The following CYSLTR1 variants were observed in gnomAD, a reference collection of about 807,000 sequenced individuals.
CYSLTR1 encodes cysteinyl leukotriene receptor 1.
Under a neutral mutation model 2.1 loss-of-function variants are expected in CYSLTR1, and 1 was observed. The observed-to-expected ratio is 0.48, with a 90% CI of 0.17 to 2.28. CYSLTR1 has a LOEUF of 2.28. Among genes scored for constraint, CYSLTR1 ranks in the 30% most tolerant of loss-of-function variants. CYSLTR1 has a pLI of 0.26. For missense variants in CYSLTR1, 299 were observed against 250.1 expected, an observed-to-expected ratio of 1.20 and a Z score of -1.32; for synonymous variants, 110 against 89.6, an observed-to-expected ratio of 1.23 and a Z score of -1.28.
At chrX:78,291,030 C>T (rs1233105726) in intron 1 of CYSLTR1, among the ~76,000 whole-genome samples, 1 of 111,776 alleles carries the variant, frequency 8.9e-6, no homozygotes, top group Non-Finnish European at 1.9e-5. Flanking sequence ...TCCTTGTCTT[C>T]AGCCAGTTTT....
intron 1 of CYSLTR1, among the ~76,000 whole-genome samples, chrX:78,309,419 A>G (rs1029537132): frequency 2.7e-5 from 3 of 111,897 alleles, no homozygotes; most frequent in African/African-American, 9.7e-5. Flanking sequence ...CAATTCTTTG[A>G]AAAATTCTTC....
At chrX:78,284,916 C>G (rs1369686647) in intron 1 of CYSLTR1, among the ~76,000 whole-genome samples, 1 of 111,465 alleles carries the variant, frequency 9.0e-6, no homozygotes, top group Non-Finnish European at 1.9e-5. Context: ...TCTCCACTTT[C>G]TTCTCCCTCT....
At chrX:78,319,314 T>C (rs1196081271) in intron 1 of CYSLTR1, 3 of 88,534 alleles carry the variant, frequency 3.4e-5, no homozygotes, top group African/African-American at 1.3e-4. Context: ...CCTTCCTGTG[T>C]CCATGTGTTC....
intron 1 of CYSLTR1, among the ~76,000 whole-genome samples, chrX:78,303,652 T>G (rs1434501493): frequency 1.8e-5 from 2 of 111,959 alleles, no homozygotes; most frequent in African/African-American, 6.5e-5. Flanking sequence ...TTAATTTATT[T>G]GAGTTAATCC....
rs147722199 is a variant in CYSLTR1, at chrX:78,299,756, G to A, written c.-114-16216C>T. On this transcript the variant is annotated intron_variant, in intron 1 of 2. Coordinates refer to ENST00000373304, the MANE Select transcript of CYSLTR1 (RefSeq NM_006639.4). ...CCTCTGAAAATTTTGATTATTAAAT[G>A]CCATTAGGTAGTCTTCTTTGGGTTA... Among the ~76,000 whole-genome samples, 5 of 111,105 alleles carry A rather than the reference G, an allele frequency of 4.5e-5. No homozygotes were observed. The East Asian group carries it at 1.4e-3, about 31-fold the overall frequency.
intron 1 of CYSLTR1, among the ~76,000 whole-genome samples, chrX:78,291,947 G>T (rs754808398): frequency 1.8e-5 from 2 of 109,077 alleles, no homozygotes; most frequent in Admixed American, 2.0e-4. Flanking sequence ...TTTTTGAAGA[G>T]TTTTTTTGTG....
At chrX:78,275,825 C>A (rs2149181344) in intron 2 of CYSLTR1, among the ~76,000 whole-genome samples, 1 of 111,660 alleles carries the variant, frequency 9.0e-6, no homozygotes, top group East Asian at 2.8e-4. Flanking sequence ...GGAAAATAAT[C>A]TAATTTGCTG....
At position 78,272,207 on chromosome X, in the gene CYSLTR1, A is replaced by C. The variant is rs775107578; in HGVS notation, c.*526T>G. 1.8e-5 allele frequency: 2 copies of C among 111,637 alleles called. No homozygotes were observed. Among genetic ancestry groups the C allele is most frequent in the Non-Finnish European group, 3.8e-5 (2 of 53,194 alleles). 9.2% of individuals were successfully genotyped at this position (111,637 alleles called of 1,213,427 possible). ...TTCTCTTTTGGAAGAAATGGCCCTAATTTGCCTAGCGAATCAGTACTACAA... is the reference window on the plus strand; with the variant it reads ...TTCTCTTTTGGAAGAAATGGCCCTACTTTGCCTAGCGAATCAGTACTACAA... On this transcript the variant is annotated 3_prime_UTR_variant, in exon 3 of 3. Transcript: ENST00000373304.
At chrX:78,274,877 T>C (rs1921505316) in intron 2 of CYSLTR1, among the ~76,000 whole-genome samples, 1 of 111,047 alleles carries the variant, frequency 9.0e-6, no homozygotes, top group Non-Finnish European at 1.9e-5. Flanking sequence ...CAAACAAATG[T>C]ACAAGAAAAA....
intron 1 of CYSLTR1, among the ~76,000 whole-genome samples, chrX:78,309,160 C>A (rs1044783678): frequency 1.8e-5 from 2 of 111,012 alleles, no homozygotes; most frequent in Non-Finnish European, 3.8e-5. Flanking sequence ...GCAAGTAGAG[C>A]TAGAGAGAGA....
At chrX:78,323,954 C>T (rs1339016361) in intron 1 of CYSLTR1, among the ~76,000 whole-genome samples, 1 of 111,768 alleles carries the variant, frequency 8.9e-6, no homozygotes, top group Non-Finnish European at 1.9e-5. Context: ...CTCTTTTCCT[C>T]TATTTCTATA....
chrX:78,301,934 G>A (rs1335252704), intron 1 of CYSLTR1, among the ~76,000 whole-genome samples: 1 of 112,167 alleles, frequency 8.9e-6, no homozygotes, highest in African/African-American at 3.2e-5. Context: ...CACCTTACAT[G>A]GTGGCAGGCA....
chrX:78,295,187 G>A (rs1413267138), intron 1 of CYSLTR1, among the ~76,000 whole-genome samples: 1 of 111,804 alleles, frequency 8.9e-6, no homozygotes, highest in Non-Finnish European at 1.9e-5. Flanking sequence ...CATCCATGTT[G>A]TTGCAAATGA....
chrX:78,272,675 G>T lies in CYSLTR1; in HGVS notation c.*58C>A. The T allele has an allele frequency of 2.9e-6, 3 of 1,029,364 alleles. No individual in the cohort carries two copies. The highest frequency in any genetic ancestry group is 3.8e-6 in the Non-Finnish European group (3 of 784,979). 84.8% of individuals were successfully genotyped at this position (1,029,364 alleles called of 1,213,427 possible). On this transcript the variant is annotated 3_prime_UTR_variant, in exon 3 of 3. Transcript: ENST00000373304. Reference sequence around the variant, plus strand: ...TTTTTATTTTTTTTGTAAATGATTTGACAAAATACTTATTTGGGAAACTAT... The same window carrying T: ...TTTTTATTTTTTTTGTAAATGATTTTACAAAATACTTATTTGGGAAACTAT...
intron 1 of CYSLTR1, among the ~76,000 whole-genome samples, chrX:78,303,427 A>T (rs200514417): frequency 2.2e-5 from 2 of 92,504 alleles, no homozygotes; most frequent in African/African-American, 4.2e-5. Flanking sequence ...GTTTTTTTTT[A>T]ATGTAGATAG....
At chrX:78,319,309 C>T (rs1405919328) in intron 1 of CYSLTR1, 23 of 89,419 alleles carry the variant, frequency 2.6e-4, no homozygotes, top group South Asian at 6.4e-4. Context: ...ATTCCCCTTC[C>T]TGTGTCCATG....
At chrX:78,308,470 G>A (rs1306434829) in intron 1 of CYSLTR1, among the ~76,000 whole-genome samples, 1 of 110,963 alleles carries the variant, frequency 9.0e-6, no homozygotes, top group Non-Finnish European at 1.9e-5. Context: ...TAATAGGGCT[G>A]GAAATGGAGC....
chrX:78,285,421 C>CAAAAAAAAA (rs397897021), intron 1 of CYSLTR1, among the ~76,000 whole-genome samples: 2 of 65,639 alleles, frequency 3.0e-5, no homozygotes, highest in Non-Finnish European at 5.4e-5. Flanking sequence ...GACTCCGTCT[C>CAAAAAAAAA]AAAAAAAAAA....
At chrX:78,317,726 A>T (rs1031920503) in intron 1 of CYSLTR1, among the ~76,000 whole-genome samples, 75 of 112,535 alleles carry the variant, frequency 6.7e-4, no homozygotes, top group African/African-American at 2.3e-3. Context: ...GTAGATCAGG[A>T]ATGGAAAACC....
Sources: allele counts gnomAD v4.1 joint callset (sites outside exome capture counted in the v4.1 genomes callset), GRCh38; gene constraint gnomAD v4.1.1; transcripts MANE v1.5; gene names NCBI Gene and HGNC (gene_info 2026-07-23, HGNC 2026-07-21).